The following SH2D3A variants were observed in gnomAD, a reference collection of about 807,000 sequenced individuals.
The protein encoded by SH2D3A is SH2 domain containing 3A, also known as SH2 domain-containing protein 3A.
In SH2D3A, 46 loss-of-function variants were observed where a neutral mutation model predicts 50.6. That is an observed-to-expected ratio of 0.91 (90% CI 0.72 to 1.16). The LOEUF (loss-of-function observed/expected upper bound fraction) is 1.16. SH2D3A is among the 50% of genes most tolerant of loss of function. SH2D3A has a pLI of 0.00. For synonymous variants in SH2D3A, 377 were observed against 348.4 expected (o/e 1.08, Z -0.91); for missense variants, 783 against 786.2 (o/e 1.00, Z 0.05).
chr19:6,759,767 G>A, intron 3 of SH2D3A, 97 bp from the exon 4 acceptor site: 1 of 1,249,410 alleles, frequency 8.0e-7, no homozygotes, highest in East Asian at 2.4e-5. Context: ...CTGTACCAGT[G>A]AGTCTCAACC....
intron 1 of SH2D3A, among the ~76,000 whole-genome samples, chr19:6,766,470 A>G (rs775737637): frequency 6.6e-6 from 1 of 152,172 alleles, no homozygotes; most frequent in African/African-American, 2.4e-5. Flanking sequence ...GAGAGGAGAG[A>G]GGGGATTATT....
chr19:6,759,409 A>C (rs761333219), intron 4 of SH2D3A, 185 bp downstream of exon 4: 2 of 566,926 alleles, frequency 3.5e-6, no homozygotes, highest in African/African-American at 3.8e-5. Context: ...CACCGCGCTC[A>C]GCCTTGTAAA....
chr19:6,761,272 G>C (rs62125125), intron 2 of SH2D3A: 39,944 of 369,674 alleles, frequency 0.11, 2,808 homozygotes, highest in African/African-American at 0.24. Flanking sequence ...CAGACCTGGC[G>C]CATAAAACCC....
chr19:6,752,569 G>A lies in SH2D3A; in HGVS notation c.*24C>T, dbSNP rs1417275999. 1.3e-6 allele frequency: 2 copies of A among 1,509,500 alleles called. No homozygotes were observed. The highest frequency in any genetic ancestry group is 2.4e-5 in the East Asian group (1 of 41,612). The allele number at this position is 1,509,500 out of a possible 1,614,324, so 93.5% of individuals were successfully genotyped here. ...GTTCGCAAAAACCTGGGGGTCCCGG[G>A]TGTGAAGAAGGGTGTCTGCGCTCTC... On this transcript the variant is annotated 3_prime_UTR_variant, in exon 10 of 10. Transcript: ENST00000245908.
rs535033168 is a variant in SH2D3A, at chr19:6,760,867, G to A, written c.190C>T (p.Arg64Cys). 14 of 1,614,248 alleles carry A rather than the reference G, an allele frequency of 8.7e-6. No individual in the cohort carries two copies. The South Asian group carries it at 9.9e-5, about 11-fold the overall frequency. The change falls in exon 3 of 10, where the codon CGT (arginine) becomes TGT (cysteine). Residue 64 changes from arginine (R) to cysteine (C), a missense_variant. Physicochemically the swap from Arg to Cys is radical, Grantham distance 180. Coordinates refer to ENST00000245908, the MANE Select transcript of SH2D3A (RefSeq NM_005490.3). ...CCTGGCCGGGGACGCAGGGCCACACGGAACACCTCAAAATGGAGGGCTGAG... is the reference window on the plus strand; with the variant it reads ...CCTGGCCGGGGACGCAGGGCCACACAGAACACCTCAAAATGGAGGGCTGAG... Reference protein sequence around the residue: ...RGSALHFEVFRVALRPRPGRP... With the variant: ...RGSALHFEVFCVALRPRPGRP...
At position 6,753,532 on chromosome 19, in the gene SH2D3A, C is replaced by T; in HGVS notation, c.1494G>A (p.Leu498=). ...TGTGACGCGCCCCGTGCAGGGTGCGCAACAGCCGCTCACAGCTCTCGTCCA... is the reference window on the plus strand; with the variant it reads ...TGTGACGCGCCCCGTGCAGGGTGCGTAACAGCCGCTCACAGCTCTCGTCCA... The part of the protein sequence containing the change: ...GPLDESCERL[L]RTLHGARHMV... Residue 498 remains leucine (L), a synonymous_variant, in exon 9 of 10, where the codon TTG becomes TTA. Coordinates refer to ENST00000245908, the MANE Select transcript of SH2D3A (RefSeq NM_005490.3). 6.4e-7 allele frequency: 1 copy of T among 1,564,896 alleles called. No individual in the cohort carries two copies. The highest frequency in any genetic ancestry group is 8.7e-7 in the Non-Finnish European group (1 of 1,155,390).
intron 4 of SH2D3A, among the ~76,000 whole-genome samples, chr19:6,755,544 A>AT (rs925473309): frequency 7.3e-5 from 11 of 150,922 alleles, no homozygotes; most frequent in South Asian, 2.1e-4. Flanking sequence ...TCTGTAAATT[A>AT]TTTTTTTTTA....
intron 4 of SH2D3A, among the ~76,000 whole-genome samples, chr19:6,756,624 C>T (rs927140978): frequency 1.3e-5 from 2 of 152,066 alleles, no homozygotes; most frequent in African/African-American, 4.8e-5. Flanking sequence ...ACTATTAGTA[C>T]TTAAAACTGT....
chr19:6,754,213 C>A, intron 7 of SH2D3A, 38 bp downstream of exon 7: 1 of 1,606,316 alleles, frequency 6.2e-7, no homozygotes, highest in Non-Finnish European at 8.5e-7. Context: ...CCCAGTCACC[C>A]GCACTCCAGC....
In SH2D3A at chr19:6,753,519, C is replaced by T. The variant is rs1969451279; in HGVS notation, c.1507G>A (p.Gly503Arg). The T allele has an allele frequency of 6.4e-7, 1 of 1,560,080 alleles. No homozygotes were observed. Among genetic ancestry groups the T allele is most frequent in the Non-Finnish European group, 8.7e-7 (1 of 1,152,566 alleles). ...SCERLLRTLH[G>R]ARHMVRDAPK... ...GCGTCCCGGACCATGTGACGCGCCC[C>T]GTGCAGGGTGCGCAACAGCCGCTCA... The change falls in exon 9 of 10, where the codon GGG becomes AGG. Residue 503 changes from glycine (G) to arginine (R), a missense_variant. Gly to Arg is a moderately radical substitution (Grantham distance 125). Coordinates refer to ENST00000245908, the MANE Select transcript of SH2D3A (RefSeq NM_005490.3).
intron 9 of SH2D3A, 136 bp from the exon 10 acceptor site, chr19:6,752,889 T>A (rs1599575095): frequency 7.2e-7 from 1 of 1,396,456 alleles, no homozygotes; most frequent in East Asian, 2.6e-5. Flanking sequence ...ACCTGCGGGA[T>A]GACTAGGCGG....
chr19:6,759,644 G>A lies in SH2D3A; in HGVS notation c.446C>T (p.Pro149Leu). The A allele has an allele frequency of 6.2e-7, 1 of 1,613,970 alleles. No individual in the cohort carries two copies. The highest frequency in any genetic ancestry group is 8.5e-7 in the Non-Finnish European group (1 of 1,179,914). ...LRARKWSNSQPADLAHMGRSR... is the reference protein window; with the variant it reads ...LRARKWSNSQLADLAHMGRSR... ...CCGCCCCATATGTGCCAAATCTGCA[G>A]GCTGACTGTTGCTCCACTTCCTTGC... Residue 149 changes from proline to leucine, a missense_variant, in exon 4 of 10, where the codon CCT becomes CTT. By Grantham distance (98) the Pro-to-Leu change is moderately conservative. Coordinates refer to ENST00000245908, the MANE Select transcript of SH2D3A (RefSeq NM_005490.3).
chr19:6,760,990 G>C lies in SH2D3A; in HGVS notation c.70-3C>G. On this transcript the variant is annotated splice_polypyrimidine_tract_variant and splice_region_variant and intron_variant, in intron 2 of 9. Coordinates refer to ENST00000245908, the MANE Select transcript of SH2D3A (RefSeq NM_005490.3). ...TGCTGAAGAAGAGCTTCAGCCTTCTGTGGATGAAGTTCAGGGGGCAGGGGA... is the reference window on the plus strand; with the variant it reads ...TGCTGAAGAAGAGCTTCAGCCTTCTCTGGATGAAGTTCAGGGGGCAGGGGA... 5 of 1,603,282 alleles carry C rather than the reference G, an allele frequency of 3.1e-6. No homozygotes were observed. Among genetic ancestry groups the C allele is most frequent in the Non-Finnish European group, 4.3e-6 (5 of 1,173,656 alleles).
chr19:6,755,504 A>G (rs1969616686), intron 4 of SH2D3A, among the ~76,000 whole-genome samples, 189 bp from the exon 5 acceptor site: 2 of 152,064 alleles, frequency 1.3e-5, no homozygotes, highest in African/African-American at 2.4e-5. Flanking sequence ...ATGCTTACAC[A>G]TGGTTAGAAA....
At chr19:6,766,243 C>T (rs192099815) in intron 1 of SH2D3A, among the ~76,000 whole-genome samples, 32 of 152,302 alleles carry the variant, frequency 2.1e-4, no homozygotes, top group Middle Eastern at 6.8e-3. Context: ...TAGCCTCGGT[C>T]GCAGAGTTTC....
At chr19:6,753,704 A>C (rs1195216963) in intron 8 of SH2D3A, 63 bp from the exon 9 acceptor site, 1 of 1,421,722 alleles carries the variant, frequency 7.0e-7, no homozygotes, top group Non-Finnish European at 9.3e-7. Flanking sequence ...GCAGAGGTGG[A>C]ACCTAGGACA....
At position 6,760,904 on chromosome 19, in the gene SH2D3A, G is replaced by A; in HGVS notation, c.153C>T (p.Cys51=). 6.2e-7 allele frequency: 1 copy of A among 1,614,228 alleles called. No homozygotes were observed. Among genetic ancestry groups the A allele is most frequent in the Non-Finnish European group, 8.5e-7 (1 of 1,180,044 alleles). Residue 51 remains cysteine, a synonymous_variant, in exon 3 of 10, where the codon TGC becomes TGT. Coordinates refer to ENST00000245908, the MANE Select transcript of SH2D3A (RefSeq NM_005490.3). ...GSRGGNPVIS[C]RWRGSALHFE... ...AATGGAGGGCTGAGCCCCGCCAGCG[G>A]CAGGAGATCACGGGGTTGCCCCCAC...
At chr19:6,759,997 T>C (rs371774707) in intron 3 of SH2D3A, among the ~76,000 whole-genome samples, 7 of 152,108 alleles carry the variant, frequency 4.6e-5, no homozygotes, top group Non-Finnish European at 7.4e-5. Context: ...CCCAGCACTA[T>C]GGGAGGCTGA....
In SH2D3A at chr19:6,754,129, C is replaced by T; in HGVS notation, c.1307G>A (p.Arg436Gln). The change falls in exon 8 of 10, where the codon CGA becomes CAA. Residue 436 changes from arginine to glutamine, a missense_variant. By Grantham distance (43) the Arg-to-Gln change is conservative. Coordinates refer to ENST00000245908, the MANE Select transcript of SH2D3A (RefSeq NM_005490.3). ...SRLEHTWRQL[R>Q]RSHTEAALAF... is the part of the protein sequence containing the mutation. Reference sequence around the variant, plus strand: ...CAGCGCAGCCTCCGTGTGGCTCCTTCGGAGCTGGCGCCACGTGTGCTCCAA... The same window carrying T: ...CAGCGCAGCCTCCGTGTGGCTCCTTTGGAGCTGGCGCCACGTGTGCTCCAA... 1.2e-6 allele frequency: 2 copies of T among 1,613,436 alleles called. No homozygotes were observed. Among genetic ancestry groups the T allele is most frequent in the Admixed American group, 1.7e-5 (1 of 59,932 alleles).
Sources: allele counts gnomAD v4.1 joint callset (sites outside exome capture counted in the v4.1 genomes callset), GRCh38; gene constraint gnomAD v4.1.1; transcripts MANE v1.5; gene names NCBI Gene and HGNC (gene_info 2026-07-23, HGNC 2026-07-21).